Variants in MBNL3 observed in about 807,000 individuals in gnomAD.
MBNL3 encodes the protein muscleblind-like protein 3.
A neutral mutation model predicts 24.5 loss-of-function variants in MBNL3; 6 were observed. The ratio of observed to expected loss-of-function variants is 0.25; its 90% CI spans 0.13 to 0.48. The LOEUF (loss-of-function observed/expected upper bound fraction) is 0.48, where lower values mean the gene tolerates loss of function less well. Among genes scored for constraint, MBNL3 ranks in the 20% least tolerant of loss-of-function variants. The probability of loss-of-function intolerance (pLI) is 0.99; values close to 1 mark genes in which losing one functional copy is unlikely to be tolerated. For synonymous variants in MBNL3, 100 were observed against 101.7 expected, an observed-to-expected ratio of 0.98 and a Z score of 0.10; for missense variants, 230 against 293.5, an observed-to-expected ratio of 0.78 and a Z score of 1.58.
At position 132,396,534 on chromosome X, in the gene MBNL3, A is replaced by ATATATATTCC. The variant is rs1491306535; in HGVS notation, c.343-4201_343-4200insGGAATATATA. Among the ~76,000 whole-genome samples the ATATATATTCC allele has an allele frequency of 4.1e-3, 179 of 43,688 alleles. 23 individuals carry two copies. Among genetic ancestry groups the ATATATATTCC allele is most frequent in the African/African-American group, 0.022 (165 of 7,416 alleles). The allele number at this position is 43,688 out of a possible 115,157, so 37.9% of individuals were successfully genotyped here. On this transcript the variant is annotated intron_variant, in intron 3 of 8. Coordinates refer to ENST00000370853, the MANE Select transcript of MBNL3 (RefSeq NM_001386889.1). ...TTCATATATATTCATATATATATTC[A>ATATATATTCC]TATATATATTCCTATATATTCCTAT...
At chrX:132,469,119 T>C (rs899268110) in intron 1 of MBNL3, among the ~76,000 whole-genome samples, 3 of 112,086 alleles carry the variant, frequency 2.7e-5, no homozygotes, top group Non-Finnish European at 5.6e-5. Flanking sequence ...ATACCGTGGA[T>C]GGGGTATCCA....
At chrX:132,484,932 C>T (rs1255993614) in intron 1 of MBNL3, among the ~76,000 whole-genome samples, 2 of 103,840 alleles carry the variant, frequency 1.9e-5, no homozygotes, top group Non-Finnish European at 1.9e-5. Context: ...AATACACACG[C>T]GCACACACAC....
chrX:132,469,145 T>G (rs1947042020), intron 1 of MBNL3, among the ~76,000 whole-genome samples: 1 of 112,125 alleles, frequency 8.9e-6, no homozygotes. Flanking sequence ...GATAAGTGAA[T>G]GAACTAGATC....
At chrX:132,414,999 G>A (rs775079715) in intron 2 of MBNL3, among the ~76,000 whole-genome samples, 44 of 111,724 alleles carry the variant, frequency 3.9e-4, no homozygotes, top group Non-Finnish European at 7.5e-4. Context: ...TGTAAGTTTC[G>A]TCAGATCTTT....
intron 2 of MBNL3, among the ~76,000 whole-genome samples, chrX:132,436,964 A>G (rs1358508881): frequency 8.9e-6 from 1 of 112,190 alleles, no homozygotes; most frequent in Non-Finnish European, 1.9e-5. Context: ...CACTAGATAC[A>G]GTGAGTAGAC....
intron 1 of MBNL3, among the ~76,000 whole-genome samples, 176 bp downstream of exon 1, chrX:132,488,675 A>G (rs1948137765): frequency 1.8e-5 from 2 of 112,510 alleles, no homozygotes; most frequent in South Asian, 3.7e-4. Context: ...GAAGAAGAAA[A>G]AGGAGGAGGA....
chrX:132,448,710 G>A (rs201437658), intron 1 of MBNL3, among the ~76,000 whole-genome samples: 9 of 110,936 alleles, frequency 8.1e-5, no homozygotes, highest in Middle Eastern at 4.6e-3. Context: ...CTTGCATCTC[G>A]CGTTCTTGTA....
At chrX:132,471,453 G>A (rs992599040) in intron 1 of MBNL3, among the ~76,000 whole-genome samples, 4 of 112,757 alleles carry the variant, frequency 3.5e-5, no homozygotes, top group Non-Finnish European at 7.5e-5. Context: ...GGGAGGCTGA[G>A]GCAGAAGGAT....
At chrX:132,396,971 A>ATATATATTCAT (rs1939837712) in intron 3 of MBNL3, among the ~76,000 whole-genome samples, 1 of 78,831 alleles carries the variant, frequency 1.3e-5, no homozygotes, top group African/African-American at 4.7e-5. Context: ...TATATATATG[A>ATATATATTCAT]ATATATATGA....
intron 2 of MBNL3, among the ~76,000 whole-genome samples, chrX:132,435,163 C>T (rs1945048298): frequency 9.0e-6 from 1 of 111,483 alleles, no homozygotes; most frequent in Non-Finnish European, 1.9e-5. Context: ...GCAAAAAACA[C>T]AATTACTTCC....
chrX:132,405,482 A>C (rs1327415507), intron 3 of MBNL3, among the ~76,000 whole-genome samples: 1 of 112,202 alleles, frequency 8.9e-6, no homozygotes, highest in African/African-American at 3.2e-5. Flanking sequence ...TAAGATGTTA[A>C]CAGTGGGGAG....
chrX:132,375,357 C>T lies in MBNL3; in HGVS notation c.*4309G>A, dbSNP rs988257616. 1.8e-5 allele frequency: 2 copies of T among 111,483 alleles called. No individual in the cohort carries two copies. The highest frequency in any genetic ancestry group is 6.5e-5 in the African/African-American group (2 of 30,718). 9.2% of individuals were successfully genotyped at this position (111,483 alleles called of 1,213,427 possible). ...TTTTGGACTATAATCTGTATCTTGT[C>T]ATACTTCAGTGTCAGTTCAGAACCT... is the stretch of plus-strand genomic sequence containing the variant. On this transcript the variant is annotated 3_prime_UTR_variant, in exon 9 of 9. Coordinates refer to ENST00000370853, the MANE Select transcript of MBNL3 (RefSeq NM_001386889.1).
chrX:132,408,977 TATAAA>T (rs917934592), intron 2 of MBNL3, among the ~76,000 whole-genome samples: 2 of 112,374 alleles, frequency 1.8e-5, no homozygotes, highest in African/African-American at 6.5e-5. Context: ...CCAGAAAGCT[TATAAA>T]ATAAAATAAA....
chrX:132,392,789 G>A (rs746844581), intron 3 of MBNL3, among the ~76,000 whole-genome samples: 8 of 110,678 alleles, frequency 7.2e-5, no homozygotes, highest in Non-Finnish European at 1.5e-4. Flanking sequence ...AAGGCTGCCT[G>A]TCCTACCACA....
At chrX:132,391,459 A>G (rs1458705686) in intron 4 of MBNL3, among the ~76,000 whole-genome samples, 1 of 112,086 alleles carries the variant, frequency 8.9e-6, no homozygotes, top group Non-Finnish European at 1.9e-5. Context: ...TGGTTTTCCA[A>G]AGTCAACTTG....
Position 132,466,547 on chromosome X carries a change from A to C in MBNL3, c.-704+22304T>G, listed in dbSNP as rs572941231. The stretch of plus-strand genomic sequence containing the variant: ...TTTAAGATTTGGGTCTTAAAATATA[A>C]ATGACATGGGCTCTTGAGTGATCTT... On this transcript the variant is annotated intron_variant, in intron 1 of 8. Coordinates refer to ENST00000370853, the MANE Select transcript of MBNL3 (RefSeq NM_001386889.1). 4.3e-4 allele frequency among the ~76,000 whole-genome samples: 48 copies of C among 112,083 alleles called. No individual in the cohort carries two copies. The South Asian group carries it at 0.017, about 41-fold the overall frequency.
intron 1 of MBNL3, among the ~76,000 whole-genome samples, chrX:132,484,933 GCACACACACA>G (rs3044539): frequency 2.9e-5 from 3 of 102,591 alleles, no homozygotes; most frequent in Non-Finnish European, 4.0e-5. Context: ...ATACACACGC[GCACACACACA>G]CACACACACA....
At chrX:132,473,486 C>T (rs1947282794) in intron 1 of MBNL3, among the ~76,000 whole-genome samples, 2 of 111,859 alleles carry the variant, frequency 1.8e-5, no homozygotes, top group Admixed American at 9.5e-5. Context: ...CATGAAGATG[C>T]CGTTAATCTA....
intron 3 of MBNL3, 100 bp from the exon 4 acceptor site, chrX:132,392,434 A>G (rs1937337535): frequency 3.1e-6 from 2 of 654,771 alleles, no homozygotes; most frequent in East Asian, 7.6e-5. Flanking sequence ...TACTTATGCC[A>G]CATCAAAATT....
Sources: allele counts gnomAD v4.1 joint callset (sites outside exome capture counted in the v4.1 genomes callset), GRCh38; gene constraint gnomAD v4.1.1; transcripts MANE v1.5; gene names NCBI Gene and HGNC (gene_info 2026-07-23, HGNC 2026-07-21).